The following FSTL4 variants were observed in gnomAD, a reference collection of about 807,000 sequenced individuals.
FSTL4 encodes the protein follistatin-related protein 4.
FSTL4 carries 28 observed loss-of-function variants against 78.2 expected under a neutral mutation model. That is an observed-to-expected ratio of 0.36 (90% confidence interval 0.27 to 0.49). The LOEUF (loss-of-function observed/expected upper bound fraction) is 0.49. FSTL4 is among the 20% of genes least tolerant of loss of function. FSTL4 has a pLI of 0.98. For synonymous variants in FSTL4, 422 were observed against 440.5 expected (o/e 0.96, Z 0.53); for missense variants, 922 against 1,084.9 (o/e 0.85, Z 2.11).
At chr5:133,626,679 A>G in the FSTL4 span, among the ~76,000 whole-genome samples, 2 of 151,720 alleles carry the variant, frequency 1.3e-5, no homozygotes, top group Admixed American at 6.6e-5. Context: ...TATGTTTCCA[A>G]TTGTTTGGAA....
the FSTL4 span, among the ~76,000 whole-genome samples, chr5:133,830,229 G>A: frequency 6.6e-6 from 1 of 152,224 alleles, no homozygotes; most frequent in South Asian, 2.1e-4. Context: ...AGAGGGGTGT[G>A]AGATCTGGAG....
At chr5:133,223,988 G>T (rs746242500) in intron 11 of FSTL4, 15 of 517,848 alleles carry the variant, frequency 2.9e-5, no homozygotes, top group Non-Finnish European at 4.6e-5. Flanking sequence ...TGAAAGCTTT[G>T]CATTTAAAAA....
the FSTL4 span, among the ~76,000 whole-genome samples, chr5:133,661,558 C>T: frequency 2.6e-5 from 4 of 152,146 alleles, no homozygotes; most frequent in Admixed American, 6.5e-5. Flanking sequence ...TATATTACAG[C>T]CTAACCTCAT....
At chr5:133,826,536 C>T in the FSTL4 span, among the ~76,000 whole-genome samples, 1 of 152,164 alleles carries the variant, frequency 6.6e-6, no homozygotes, top group Non-Finnish European at 1.5e-5. Flanking sequence ...CGCATCACTC[C>T]AACCTCTGCC....
At chr5:133,753,163 G>T in the FSTL4 span, among the ~76,000 whole-genome samples, 1 of 152,192 alleles carries the variant, frequency 6.6e-6, no homozygotes, top group Non-Finnish European at 1.5e-5. Context: ...TCACAATAAA[G>T]GCAAACCAGA....
chr5:133,344,651 C>T (rs1754657080), intron 4 of FSTL4, among the ~76,000 whole-genome samples: 1 of 152,284 alleles, frequency 6.6e-6, no homozygotes, highest in African/African-American at 2.4e-5. Flanking sequence ...TTTTTAACTG[C>T]CTTAAAAAAT....
At chr5:133,354,557 C>T (rs1206102489) in intron 4 of FSTL4, among the ~76,000 whole-genome samples, 1 of 152,282 alleles carries the variant, frequency 6.6e-6, no homozygotes, top group South Asian at 2.1e-4. Flanking sequence ...ACTGGCAGTT[C>T]CTTTTACTTC....
intron 3 of FSTL4, among the ~76,000 whole-genome samples, chr5:133,447,838 C>T (rs950399716): frequency 6.6e-6 from 1 of 152,220 alleles, no homozygotes; most frequent in Non-Finnish European, 1.5e-5. Flanking sequence ...CTGCACCCAG[C>T]CTAGGATTAT....
At chr5:133,449,382 G>T (rs193057028) in intron 3 of FSTL4, among the ~76,000 whole-genome samples, 13 of 152,344 alleles carry the variant, frequency 8.5e-5, no homozygotes, top group African/African-American at 2.6e-4. Flanking sequence ...ACCCTTTGGG[G>T]TTGTGAGAGG....
chr5:133,727,847 C>T, the FSTL4 span, among the ~76,000 whole-genome samples: 83 of 152,306 alleles, frequency 5.4e-4, no homozygotes, highest in Admixed American at 3.3e-3. Context: ...GATGCAGCGT[C>T]AGGGGAGCCA....
At chr5:133,653,685 G>A in the FSTL4 span, among the ~76,000 whole-genome samples, 3 of 152,188 alleles carry the variant, frequency 2.0e-5, no homozygotes, top group Non-Finnish European at 4.4e-5. Flanking sequence ...TGAGATTGAT[G>A]GAAGCTGAAA....
intron 4 of FSTL4, among the ~76,000 whole-genome samples, chr5:133,386,592 T>C (rs2126957134): frequency 6.6e-6 from 1 of 152,302 alleles, no homozygotes; most frequent in East Asian, 1.9e-4. Flanking sequence ...CACAAAAGTT[T>C]TTAATATGGA....
intron 3 of FSTL4, among the ~76,000 whole-genome samples, chr5:133,443,001 AAG>A (rs1444445389): frequency 6.6e-6 from 1 of 152,268 alleles, no homozygotes; most frequent in African/African-American, 2.4e-5. Flanking sequence ...AATACTTCTG[AAG>A]ATTCCATTTA....
chr5:133,591,024 A>C (rs1224355746), intron 2 of FSTL4, among the ~76,000 whole-genome samples: 1 of 152,168 alleles, frequency 6.6e-6, no homozygotes, highest in African/African-American at 2.4e-5. Flanking sequence ...ACTGGGGATT[A>C]AGTTTCCAAC....
At chr5:133,718,429 T>G in the FSTL4 span, among the ~76,000 whole-genome samples, 1 of 152,208 alleles carries the variant, frequency 6.6e-6, no homozygotes. Flanking sequence ...GGTCTCTCCT[T>G]GTGGCTTTAT....
chr5:133,564,253 T>C (rs1440096579), intron 3 of FSTL4, among the ~76,000 whole-genome samples: 1 of 152,194 alleles, frequency 6.6e-6, no homozygotes, highest in Non-Finnish European at 1.5e-5. Flanking sequence ...CAAATAAGGT[T>C]CCATTCACAG....
chr5:133,341,534 G>A (rs559035306), intron 4 of FSTL4, among the ~76,000 whole-genome samples: 10 of 152,186 alleles, frequency 6.6e-5, no homozygotes, highest in East Asian at 1.9e-4. Flanking sequence ...GGGACAGGCC[G>A]GTGGAGACCT....
the FSTL4 span, among the ~76,000 whole-genome samples, chr5:133,684,419 A>G: frequency 6.6e-6 from 1 of 152,208 alleles, no homozygotes; most frequent in East Asian, 1.9e-4. Context: ...ACTCCCTCCC[A>G]GTACTTGTTG....
the FSTL4 span, among the ~76,000 whole-genome samples, chr5:133,660,416 A>G: frequency 6.6e-6 from 1 of 152,232 alleles, no homozygotes; most frequent in Non-Finnish European, 1.5e-5. Context: ...TTGGAAGGAC[A>G]TAACTTCTTC....
Sources: allele counts gnomAD v4.1 joint callset (sites outside exome capture counted in the v4.1 genomes callset), GRCh38; gene constraint gnomAD v4.1.1; transcripts MANE v1.5; gene names NCBI Gene and HGNC (gene_info 2026-07-23, HGNC 2026-07-21).